The following SDK1 variants were observed in gnomAD, a reference collection of about 807,000 sequenced individuals.
SDK1 encodes the protein sidekick cell adhesion molecule 1.
SDK1 carries 157 observed loss-of-function variants against 245.5 expected under a neutral mutation model. The observed-to-expected ratio is 0.64, with a 90% CI of 0.56 to 0.73. SDK1 has a LOEUF of 0.73. SDK1 is among the 30% of genes least tolerant of loss of function. SDK1 has a pLI of 0.00. For synonymous variants in SDK1, 1,647 were observed against 1,278.5 expected (o/e 1.29, Z -6.15); for missense variants, 3,583 against 3,002.3 (o/e 1.19, Z -4.52).
chr7:3,697,275 T>C (rs1232264141), intron 4 of SDK1, among the ~76,000 whole-genome samples: 1 of 152,196 alleles, frequency 6.6e-6, no homozygotes, highest in Non-Finnish European at 1.5e-5. Context: ...ATATTGAAAT[T>C]TGTGTAGTGC....
chr7:3,345,583 A>T lies in SDK1; in HGVS notation c.298+43699A>T, dbSNP rs914756253. Reference sequence around the variant, plus strand: ...GAGTTATCTTTTTTTCCAGGAAATTATTTCTGATTTGAAGATGGGAGTATA... The same window carrying T: ...GAGTTATCTTTTTTTCCAGGAAATTTTTTCTGATTTGAAGATGGGAGTATA... On this transcript the variant is annotated intron_variant, in intron 1 of 44. Coordinates refer to ENST00000404826, the MANE Select transcript of SDK1 (RefSeq NM_152744.4). Among the ~76,000 whole-genome samples, 666 of 152,266 alleles carry T rather than the reference A, an allele frequency of 4.4e-3. 7 individuals carry two copies. The highest frequency in any genetic ancestry group is 0.015 in the African/African-American group (611 of 41,560).
In SDK1 at chr7:3,586,574, G is replaced by A. The variant is rs570618582; in HGVS notation, c.299-32506G>A. 2.6e-3 allele frequency among the ~76,000 whole-genome samples: 397 copies of A among 151,614 alleles called. 3 individuals carry two copies. Among genetic ancestry groups the A allele is most frequent in the South Asian group, 0.018 (86 of 4,788 alleles). ...AAAAAAATTAGCTGGGCATTGTGGC[G>A]GGCGCCTGTAGTCCTAGCTACTCGG... On this transcript the variant is annotated intron_variant, in intron 1 of 44. Transcript: ENST00000404826.
chr7:3,409,215 C>T (rs1234062374), intron 1 of SDK1, among the ~76,000 whole-genome samples: 4 of 152,178 alleles, frequency 2.6e-5, no homozygotes, highest in Middle Eastern at 3.4e-3. Flanking sequence ...CACTCCTTTG[C>T]CTCACTGAGA....
At chr7:3,681,620 G>T (rs1201429808) in intron 4 of SDK1, among the ~76,000 whole-genome samples, 1 of 152,038 alleles carries the variant, frequency 6.6e-6, no homozygotes, top group African/African-American at 2.4e-5. Context: ...TGTATATTAT[G>T]TGTCTCCCAT....
At chr7:3,753,585 T>C (rs1158224893) in intron 4 of SDK1, among the ~76,000 whole-genome samples, 1 of 152,186 alleles carries the variant, frequency 6.6e-6, no homozygotes, top group East Asian at 1.9e-4. Flanking sequence ...GATTCCTCCC[T>C]CGAAGTCTGG....
At chr7:4,239,652 C>G (rs567870613) in intron 42 of SDK1, among the ~76,000 whole-genome samples, 1 of 152,170 alleles carries the variant, frequency 6.6e-6, no homozygotes, top group African/African-American at 2.4e-5. Context: ...GAGTGAGCCA[C>G]GCACGGCGCC....
At chr7:3,690,998 C>T (rs1293867777) in intron 4 of SDK1, among the ~76,000 whole-genome samples, 1 of 152,100 alleles carries the variant, frequency 6.6e-6, no homozygotes, top group Non-Finnish European at 1.5e-5. Flanking sequence ...AGTGTGTTTG[C>T]CCTCACTGGT....
At chr7:3,551,096 A>T (rs1779388321) in intron 1 of SDK1, among the ~76,000 whole-genome samples, 1 of 152,116 alleles carries the variant, frequency 6.6e-6, no homozygotes. Context: ...ATTTTTTTTA[A>T]ATTTTAAAAC....
intron 5 of SDK1, among the ~76,000 whole-genome samples, chr7:3,932,319 C>T (rs1307272818): frequency 1.3e-5 from 2 of 152,150 alleles, no homozygotes. Context: ...GTGCTCCCTC[C>T]CTCTCTCTGT....
chr7:4,081,250 C>A (rs1230834406), intron 22 of SDK1, among the ~76,000 whole-genome samples: 1 of 152,152 alleles, frequency 6.6e-6, no homozygotes, highest in African/African-American at 2.4e-5. Context: ...GCTCCTTTGG[C>A]CCATGTTCCG....
chr7:3,623,557 A>G (rs1782013639), intron 2 of SDK1, among the ~76,000 whole-genome samples: 2 of 152,140 alleles, frequency 1.3e-5, no homozygotes, highest in African/African-American at 2.4e-5. Flanking sequence ...GTTACATTTC[A>G]TATTGATGCT....
chr7:3,438,108 C>G (rs1381521594), intron 1 of SDK1, among the ~76,000 whole-genome samples: 3 of 152,150 alleles, frequency 2.0e-5, no homozygotes. Flanking sequence ...CTTGACCTAG[C>G]CCCCTGCATC....
chr7:4,138,668 A>G (rs1441417650), intron 28 of SDK1, among the ~76,000 whole-genome samples: 1 of 151,748 alleles, frequency 6.6e-6, no homozygotes, highest in African/African-American at 2.4e-5. Context: ...AAGCATTTGA[A>G]CCTGGGAGGC....
At chr7:3,978,684 G>C (rs776484173) in intron 13 of SDK1, among the ~76,000 whole-genome samples, 7 of 152,106 alleles carry the variant, frequency 4.6e-5, no homozygotes, top group African/African-American at 7.2e-5. Flanking sequence ...AGGGCATTCT[G>C]TCCTTCTTGG....
intron 16 of SDK1, among the ~76,000 whole-genome samples, chr7:4,015,816 C>T (rs139820901): frequency 4.6e-5 from 7 of 152,210 alleles, no homozygotes; most frequent in Non-Finnish European, 7.3e-5. Context: ...TACCTTCTTG[C>T]TACTCAAGGG....
At chr7:3,372,761 G>A (rs1447307878) in intron 1 of SDK1, among the ~76,000 whole-genome samples, 1 of 152,206 alleles carries the variant, frequency 6.6e-6, no homozygotes, top group Non-Finnish European at 1.5e-5. Flanking sequence ...CAGGAAGAGA[G>A]CACACAGTGT....
intron 4 of SDK1, among the ~76,000 whole-genome samples, chr7:3,705,327 A>T (rs1339224779): frequency 6.6e-6 from 1 of 151,670 alleles, no homozygotes; most frequent in African/African-American, 2.4e-5. Flanking sequence ...TGAGCATGGG[A>T]TGTGTTTCCA....
At chr7:3,964,455 C>A (rs906207689) in intron 9 of SDK1, among the ~76,000 whole-genome samples, 2 of 152,158 alleles carry the variant, frequency 1.3e-5, no homozygotes. Flanking sequence ...TTCTTTTGAT[C>A]TTTTTTTCCT....
intron 4 of SDK1, among the ~76,000 whole-genome samples, chr7:3,702,622 T>A (rs954635858): frequency 2.0e-5 from 3 of 152,250 alleles, no homozygotes; most frequent in Non-Finnish European, 2.9e-5. Context: ...TCTTTCTAAG[T>A]TCTCCCTGAA....
Sources: allele counts gnomAD v4.1 joint callset (sites outside exome capture counted in the v4.1 genomes callset), GRCh38; gene constraint gnomAD v4.1.1; transcripts MANE v1.5; gene names NCBI Gene and HGNC (gene_info 2026-07-23, HGNC 2026-07-21).